SLC71A1: variants seen among roughly 807,000 people sequenced by gnomAD.
The protein encoded by SLC71A1 is hippocampus abundant gene transcript 1.
At chr1:100,059,144 G>GTTTTTTTTTTTTTGTTTTTTTTTTTTT in the SLC71A1 span, among the ~76,000 whole-genome samples, 9 of 75,416 alleles carry the variant, frequency 1.2e-4, no homozygotes, top group African/African-American at 5.3e-4. Context: ...TCTTTTTCGT[G>GTTTTTTTTTTTTTGTTTTTTTTTTTTT]TTTTTTTTTT....
At chr1:100,049,789 A>G in the SLC71A1 span, 1 of 577,898 alleles carries the variant, frequency 1.7e-6, no homozygotes, top group South Asian at 2.3e-5. Context: ...TGTTTGACAC[A>G]GTGCCCAGTA....
At chr1:100,056,647 TAGG>T in the SLC71A1 span, among the ~76,000 whole-genome samples, 1 of 152,214 alleles carries the variant, frequency 6.6e-6, no homozygotes, top group African/African-American at 2.4e-5. Context: ...GCAGTAAATG[TAGG>T]AGTACAGCTA....
the SLC71A1 span, among the ~76,000 whole-genome samples, chr1:100,051,255 G>T: frequency 6.6e-6 from 1 of 152,056 alleles, no homozygotes; most frequent in Admixed American, 6.6e-5. Context: ...GCTGTGCGTG[G>T]TGGTACGCAC....
the SLC71A1 span, chr1:100,077,203 T>C: frequency 1.7e-4 from 275 of 1,573,170 alleles, 1 homozygote; most frequent in Non-Finnish European, 1.6e-4. Flanking sequence ...CAATTGGAAA[T>C]AAGAACACCA....
At chr1:100,071,958 C>T in the SLC71A1 span, among the ~76,000 whole-genome samples, 14 of 152,148 alleles carry the variant, frequency 9.2e-5, no homozygotes, top group Non-Finnish European at 1.9e-4. Flanking sequence ...GCAGTAAGAC[C>T]GCAAAGGTGC....
chr1:100,082,201 A>C, the SLC71A1 span: 35 of 1,613,634 alleles, frequency 2.2e-5, no homozygotes, highest in Non-Finnish European at 2.9e-5. Flanking sequence ...CCAGGACACA[A>C]ATGTGTGACG....
chr1:100,061,587 T>C, the SLC71A1 span, among the ~76,000 whole-genome samples: 2 of 152,210 alleles, frequency 1.3e-5, no homozygotes, highest in Non-Finnish European at 2.9e-5. Context: ...TCAAAAGATT[T>C]GCCTGAATAC....
the SLC71A1 span, chr1:100,038,216 G>A: frequency 1.3e-6 from 2 of 1,551,400 alleles, no homozygotes; most frequent in South Asian, 1.2e-5. Flanking sequence ...GCAGCGCCAG[G>A]AATCGAGGAT....
At chr1:100,072,089 A>G in the SLC71A1 span, among the ~76,000 whole-genome samples, 1 of 152,194 alleles carries the variant, frequency 6.6e-6, no homozygotes, top group Non-Finnish European at 1.5e-5. Context: ...AACACTTTAT[A>G]TCATATATGA....
At chr1:100,082,222 G>T in the SLC71A1 span, 1 of 1,609,742 alleles carries the variant, frequency 6.2e-7, no homozygotes, top group African/African-American at 1.3e-5. Context: ...ACTGAAATCA[G>T]GAAGATTTTT....
At chr1:100,073,062 G>A in the SLC71A1 span, among the ~76,000 whole-genome samples, 3 of 152,058 alleles carry the variant, frequency 2.0e-5, no homozygotes, top group Non-Finnish European at 2.9e-5. Flanking sequence ...CTTCACCACC[G>A]CCAGGTTTTG....
At chr1:100,066,922 G>A in the SLC71A1 span, among the ~76,000 whole-genome samples, 1 of 146,336 alleles carries the variant, frequency 6.8e-6, no homozygotes, top group Non-Finnish European at 1.5e-5. Flanking sequence ...CCCGGGGGCG[G>A]AGCCTGCAGT....
the SLC71A1 span, chr1:100,050,051 T>C: frequency 2.0e-6 from 2 of 1,009,088 alleles, no homozygotes; most frequent in East Asian, 4.7e-5. Flanking sequence ...AAATCTCTTC[T>C]TCTTCAGTTT....
At chr1:100,069,606 C>G in the SLC71A1 span, 3 of 1,592,276 alleles carry the variant, frequency 1.9e-6, no homozygotes, top group Non-Finnish European at 2.6e-6. Context: ...TTCTGGAAAC[C>G]CTTCTAGATA....
chr1:100,051,453 A>G, the SLC71A1 span, among the ~76,000 whole-genome samples: 1 of 151,344 alleles, frequency 6.6e-6, no homozygotes, highest in African/African-American at 2.4e-5. Flanking sequence ...AAAAAATATC[A>G]GAGGGTTTTT....
the SLC71A1 span, among the ~76,000 whole-genome samples, chr1:100,072,250 C>T: frequency 1.3e-5 from 2 of 152,318 alleles, no homozygotes; most frequent in South Asian, 4.1e-4. Context: ...TCTCCAGCAG[C>T]ACGGAGCTGC....
the SLC71A1 span, chr1:100,080,196 T>C: frequency 4.9e-6 from 1 of 205,260 alleles, no homozygotes; most frequent in East Asian, 1.1e-4. Context: ...GTGACTGATT[T>C]TTAACCAGCC....
chr1:100,082,359 G>T, the SLC71A1 span: 3 of 632,306 alleles, frequency 4.7e-6, no homozygotes, highest in Non-Finnish European at 5.4e-6. Context: ...TAAAGGAAGT[G>T]GGAACTTAGA....
the SLC71A1 span, among the ~76,000 whole-genome samples, chr1:100,072,411 A>G: frequency 2.0e-5 from 3 of 152,158 alleles, no homozygotes; most frequent in Non-Finnish European, 4.4e-5. Context: ...TGTACAGAAT[A>G]CAGTGTAGTA....
Sources: allele counts gnomAD v4.1 joint callset (sites outside exome capture counted in the v4.1 genomes callset), GRCh38; gene constraint gnomAD v4.1.1; transcripts MANE v1.5; gene names NCBI Gene and HGNC (gene_info 2026-07-23, HGNC 2026-07-21).